Variants in MOB1B observed in about 807,000 individuals in gnomAD.
MOB1B encodes MOB1 Mps One Binder homolog B.
Under a neutral mutation model 24.4 loss-of-function variants are expected in MOB1B, and 19 were observed. That is an observed-to-expected ratio of 0.78 (90% CI 0.54 to 1.14). The LOEUF is 1.14. Among genes scored for constraint, MOB1B ranks in the 50% most tolerant of loss-of-function variants. The pLI, the probability that MOB1B is intolerant of heterozygous loss-of-function variation, is 0.00. For missense variants in MOB1B, 243 were observed against 259.6 expected (o/e 0.94, Z 0.44); for synonymous variants, 76 against 82.1 (o/e 0.93, Z 0.40).
At chr4:70,924,713 A>G (rs1736581509) in intron 1 of MOB1B, among the ~76,000 whole-genome samples, 2 of 152,058 alleles carry the variant, frequency 1.3e-5, no homozygotes, top group Non-Finnish European at 2.9e-5. Flanking sequence ...TTTCCCATCT[A>G]TGCATCTATG....
chr4:70,923,983 T>C (rs1364001862), intron 1 of MOB1B, among the ~76,000 whole-genome samples: 2 of 98,942 alleles, frequency 2.0e-5, no homozygotes, highest in Non-Finnish European at 2.1e-5. Flanking sequence ...AAAAAAGAAA[T>C]AGGTAACAGT....
At chr4:70,949,092 AC>A (rs1308496508) in intron 1 of MOB1B, among the ~76,000 whole-genome samples, 4 of 152,190 alleles carry the variant, frequency 2.6e-5, no homozygotes, top group Admixed American at 1.3e-4. Context: ...AGAGACCTCT[AC>A]TGGGCATATC....
chr4:70,939,131 A>C (rs887136080), intron 1 of MOB1B, among the ~76,000 whole-genome samples: 26 of 152,268 alleles, frequency 1.7e-4, no homozygotes, highest in African/African-American at 6.3e-4. Context: ...CAACACAATA[A>C]CACAATTTCC....
intron 1 of MOB1B, among the ~76,000 whole-genome samples, chr4:70,903,265 G>C (rs561912969): frequency 1.3e-5 from 2 of 152,188 alleles, no homozygotes; most frequent in Non-Finnish European, 1.5e-5. Context: ...AGTGTGCCCT[G>C]CCTAGGTTGA....
intron 1 of MOB1B, among the ~76,000 whole-genome samples, chr4:70,939,047 A>G (rs942852011): frequency 6.9e-4 from 105 of 152,218 alleles, no homozygotes; most frequent in Admixed American, 2.0e-3. Context: ...CTGAACAGTC[A>G]AAGTTGGAAA....
rs72854149 is a variant in MOB1B at position 70,974,138 on chromosome 4, G to A, written c.276-1015G>A. On this transcript the variant is annotated intron_variant, in intron 3 of 5. Coordinates refer to ENST00000309395, the MANE Select transcript of MOB1B (RefSeq NM_173468.4). ...CATCTTCCTTATCTCAAAATTCAGGGTATGTGTGTGTGTGTAACTCTTTTA... is the reference window on the plus strand; with the variant it reads ...CATCTTCCTTATCTCAAAATTCAGGATATGTGTGTGTGTGTAACTCTTTTA... 7.4e-3 allele frequency among the ~76,000 whole-genome samples: 1,127 copies of A among 152,114 alleles called. 18 individuals carry two copies. Among genetic ancestry groups the A allele is most frequent in the African/African-American group, 0.024 (989 of 41,510 alleles).
chr4:70,905,441 GT>G (rs1218214543), intron 1 of MOB1B, among the ~76,000 whole-genome samples: 1 of 151,652 alleles, frequency 6.6e-6, no homozygotes, highest in Non-Finnish European at 1.5e-5. Flanking sequence ...TAGAGTCAGG[GT>G]TTTGCCATGT....
At chr4:70,926,139 C>A (rs1184177109) in intron 1 of MOB1B, among the ~76,000 whole-genome samples, 1 of 152,044 alleles carries the variant, frequency 6.6e-6, no homozygotes, top group Non-Finnish European at 1.5e-5. Context: ...GTGTGTGCCA[C>A]CATGCCTGGA....
At chr4:70,940,057 C>T (rs919467127) in intron 1 of MOB1B, among the ~76,000 whole-genome samples, 4 of 151,976 alleles carry the variant, frequency 2.6e-5, no homozygotes, top group African/African-American at 7.2e-5. Flanking sequence ...GCTGTCCTGC[C>T]GGTGTGCTCC....
chr4:70,946,012 A>C (rs1312553712), intron 1 of MOB1B, among the ~76,000 whole-genome samples: 2 of 151,070 alleles, frequency 1.3e-5, no homozygotes, highest in African/African-American at 4.9e-5. Flanking sequence ...AGACTACACA[A>C]CTTCTGTGTC....
intron 1 of MOB1B, among the ~76,000 whole-genome samples, chr4:70,934,194 C>T (rs778328146): frequency 2.6e-5 from 4 of 151,200 alleles, no homozygotes; most frequent in Admixed American, 6.6e-5. Context: ...AAGTGATTCT[C>T]CTGCCTCAGC....
intron 1 of MOB1B, among the ~76,000 whole-genome samples, chr4:70,952,671 CAAA>C (rs1241028649): frequency 3.6e-5 from 5 of 137,846 alleles, no homozygotes; most frequent in Non-Finnish European, 7.9e-5. Flanking sequence ...AAAACAAAAA[CAAA>C]AAAAAAACTT....
chr4:70,934,267 G>A (rs771680421), intron 1 of MOB1B, among the ~76,000 whole-genome samples: 54 of 150,106 alleles, frequency 3.6e-4, no homozygotes, highest in Non-Finnish European at 4.9e-4. Flanking sequence ...TGTATTTTTA[G>A]TAGAGATGGG....
intron 5 of MOB1B, among the ~76,000 whole-genome samples, chr4:70,981,661 C>A (rs1479289776): frequency 1.3e-5 from 2 of 152,168 alleles, no homozygotes; most frequent in African/African-American, 4.8e-5. Flanking sequence ...TTCCTTTCAA[C>A]AGGAAGCAGC....
chr4:70,902,488 G>A lies in MOB1B; in HGVS notation c.-49G>A, dbSNP rs1237290069. Reference sequence around the variant, plus strand: ...TTCCTCTTCTTTCCTGGCCCACGCCGCTCCGAGGCCTCGCGACCGCCGAGC... The same window carrying A: ...TTCCTCTTCTTTCCTGGCCCACGCCACTCCGAGGCCTCGCGACCGCCGAGC... On this transcript the variant is annotated 5_prime_UTR_variant, in exon 1 of 6. Transcript: ENST00000309395. 1.3e-6 allele frequency: 2 copies of A among 1,549,966 alleles called. No individual in the cohort carries two copies. The highest frequency in any genetic ancestry group is 1.7e-6 in the Non-Finnish European group (2 of 1,146,136).
chr4:70,953,919 G>A (rs1737917396), intron 1 of MOB1B, among the ~76,000 whole-genome samples: 1 of 152,114 alleles, frequency 6.6e-6, no homozygotes, highest in Non-Finnish European at 1.5e-5. Flanking sequence ...ACTCCAGCCT[G>A]GGTGACAGAG....
intron 1 of MOB1B, among the ~76,000 whole-genome samples, chr4:70,904,043 C>T (rs902470786): frequency 2.6e-5 from 3 of 116,584 alleles, no homozygotes; most frequent in Non-Finnish European, 4.8e-5. Context: ...TGTGTAGTGG[C>T]GTGATCTCGG....
chr4:70,938,312 C>A (rs181778596), intron 1 of MOB1B, among the ~76,000 whole-genome samples: 1 of 22,330 alleles, frequency 4.5e-5, no homozygotes, highest in Non-Finnish European at 1.1e-4. Context: ...TCAGATTTGC[C>A]GCCCCCGCCC....
At chr4:70,967,254 C>T (rs892320402) in intron 2 of MOB1B, among the ~76,000 whole-genome samples, 5 of 152,106 alleles carry the variant, frequency 3.3e-5, no homozygotes, top group African/African-American at 1.2e-4. Flanking sequence ...CTGTCTCAGC[C>T]CCCTGAGTAG....
Sources: allele counts gnomAD v4.1 joint callset (sites outside exome capture counted in the v4.1 genomes callset), GRCh38; gene constraint gnomAD v4.1.1; transcripts MANE v1.5; gene names NCBI Gene and HGNC (gene_info 2026-07-23, HGNC 2026-07-21).